The following KCNJ6 variants were observed in gnomAD, a reference collection of about 807,000 sequenced individuals.
KCNJ6 encodes the protein G protein-activated inward rectifier potassium channel 2.
Under a neutral mutation model 34.2 loss-of-function variants are expected in KCNJ6, and 9 were observed. That is an observed-to-expected ratio of 0.26 (90% CI 0.16 to 0.46). The LOEUF (loss-of-function observed/expected upper bound fraction) is 0.46. Ranked by LOEUF, KCNJ6 falls within the 20% of genes least tolerant of loss-of-function variation. The pLI is 1.00. For synonymous variants in KCNJ6, 196 were observed against 207.1 expected (o/e 0.95, Z 0.46); for missense variants, 236 against 531.3 (o/e 0.44, Z 5.46).
intron 2 of KCNJ6, among the ~76,000 whole-genome samples, chr21:37,716,104 C>G (rs2054789226): frequency 6.6e-6 from 1 of 152,158 alleles, no homozygotes; most frequent in South Asian, 2.1e-4. Context: ...AAATTGTTCC[C>G]TTGTCACTTT....
At chr21:37,647,219 C>G (rs2123383271) in intron 3 of KCNJ6, among the ~76,000 whole-genome samples, 1 of 152,184 alleles carries the variant, frequency 6.6e-6, no homozygotes, top group East Asian at 1.9e-4. Flanking sequence ...CTTGAAGGGG[C>G]TGACTTAATT....
At chr21:37,862,532 G>A (rs1471628262) in intron 1 of KCNJ6, among the ~76,000 whole-genome samples, 1 of 152,186 alleles carries the variant, frequency 6.6e-6, no homozygotes. Flanking sequence ...AATATATCAC[G>A]AAAAAGCCTA....
chr21:37,908,197 C>T (rs1225350267), intron 1 of KCNJ6, among the ~76,000 whole-genome samples: 1 of 152,204 alleles, frequency 6.6e-6, no homozygotes, highest in Non-Finnish European at 1.5e-5. Flanking sequence ...TCTGTTTCTT[C>T]TGGTTCTTCC....
At chr21:37,761,529 GGT>G (rs2055063528) in intron 2 of KCNJ6, among the ~76,000 whole-genome samples, 2 of 144,968 alleles carry the variant, frequency 1.4e-5, no homozygotes, top group East Asian at 2.0e-4. Context: ...TTGTGTGTGT[GGT>G]GTGTGTCGTG....
At chr21:37,791,830 C>A (rs1418225572) in intron 2 of KCNJ6, among the ~76,000 whole-genome samples, 1 of 151,978 alleles carries the variant, frequency 6.6e-6, no homozygotes, top group East Asian at 1.9e-4. Flanking sequence ...AGTTTCAGGG[C>A]ACATGTGATA....
chr21:37,655,120 C>A (rs2054451699), intron 3 of KCNJ6, among the ~76,000 whole-genome samples: 1 of 151,572 alleles, frequency 6.6e-6, no homozygotes, highest in Admixed American at 6.6e-5. Context: ...CTGGGTCAAG[C>A]TCTATCCAAG....
intron 2 of KCNJ6, among the ~76,000 whole-genome samples, chr21:37,753,102 TG>T (rs1568834765): frequency 6.6e-6 from 1 of 152,128 alleles, no homozygotes; most frequent in Non-Finnish European, 1.5e-5. Flanking sequence ...GACGGCCGCA[TG>T]GAAAGGTGCT....
intron 2 of KCNJ6, among the ~76,000 whole-genome samples, chr21:37,762,027 TC>T (rs1255262147): frequency 2.0e-5 from 3 of 151,796 alleles, no homozygotes; most frequent in African/African-American, 7.3e-5. Context: ...GGGCCAGGAG[TC>T]TTTTAGCTCC....
At chr21:37,644,282 T>C (rs1360687176) in intron 3 of KCNJ6, among the ~76,000 whole-genome samples, 2 of 152,102 alleles carry the variant, frequency 1.3e-5, no homozygotes, top group Non-Finnish European at 2.9e-5. Flanking sequence ...GTGTTAGGCT[T>C]AATACCTGGC....
chr21:37,657,034 G>A (rs542385617), intron 3 of KCNJ6, among the ~76,000 whole-genome samples: 74 of 152,276 alleles, frequency 4.9e-4, no homozygotes, highest in African/African-American at 1.8e-3. Context: ...TTCTTGGAGA[G>A]GAGGGAGGGG....
intron 3 of KCNJ6, among the ~76,000 whole-genome samples, chr21:37,678,118 G>A (rs1229842267): frequency 1.3e-5 from 2 of 152,106 alleles, no homozygotes; most frequent in Non-Finnish European, 2.9e-5. Flanking sequence ...AACTTGGCGG[G>A]TGGTGGTGTC....
intron 3 of KCNJ6, among the ~76,000 whole-genome samples, chr21:37,634,638 T>C (rs1487601421): frequency 1.3e-5 from 2 of 149,446 alleles, no homozygotes; most frequent in African/African-American, 4.9e-5. Flanking sequence ...CTAATATAGA[T>C]GAATCTTAGA....
intron 2 of KCNJ6, among the ~76,000 whole-genome samples, chr21:37,767,940 G>C (rs2055099362): frequency 6.6e-6 from 1 of 152,136 alleles, no homozygotes; most frequent in African/African-American, 2.4e-5. Flanking sequence ...TGTACTTAGA[G>C]GAAGACACAG....
chr21:37,695,034 G>T lies in KCNJ6; in HGVS notation c.946+19177C>A, dbSNP rs1201181091. ...TAAGCTGCCTAGCCTATGATATTTT[G>T]TTATGGCAGCCTGAGCTGACTAATA... On this transcript the variant is annotated intron_variant, in intron 3 of 3. Coordinates refer to ENST00000609713, the MANE Select transcript of KCNJ6 (RefSeq NM_002240.5). This position sits in a 1 kb window ranked among gnomAD's most constrained non-coding sequence, Gnocchi z 4.2. 6.6e-6 allele frequency among the ~76,000 whole-genome samples: 1 copy of T among 152,204 alleles called. No homozygotes were observed. Among genetic ancestry groups the T allele is most frequent in the South Asian group, 2.1e-4 (1 of 4,830 alleles).
chr21:37,893,730 A>G (rs2055774319), intron 1 of KCNJ6, among the ~76,000 whole-genome samples: 1 of 139,478 alleles, frequency 7.2e-6, no homozygotes, highest in African/African-American at 2.7e-5. Context: ...ATTATATTCT[A>G]CGGAAGCAGC....
At chr21:37,679,175 C>G (rs1354598989) in intron 3 of KCNJ6, among the ~76,000 whole-genome samples, 2 of 152,148 alleles carry the variant, frequency 1.3e-5, no homozygotes, top group Non-Finnish European at 1.5e-5. Flanking sequence ...TCCTCCAGCC[C>G]CAGTCAAGCC....
In KCNJ6 at chr21:37,623,405, G is replaced by A. The variant is rs2054296704; in HGVS notation, c.*1754C>T. On this transcript the variant is annotated 3_prime_UTR_variant, in exon 4 of 4. Coordinates refer to ENST00000609713, the MANE Select transcript of KCNJ6 (RefSeq NM_002240.5). The stretch of plus-strand genomic sequence containing the variant: ...AGCCTCAAACTGAGCACAGCTGTAG[G>A]AGCTGAAAATAAACTTGGATCCATT... The A allele has an allele frequency of 6.6e-6, 1 of 152,194 alleles. No homozygotes were observed. The highest frequency in any genetic ancestry group is 2.4e-5 in the African/African-American group (1 of 41,450). 9.4% of individuals were successfully genotyped at this position (152,194 alleles called of 1,614,324 possible).
intron 3 of KCNJ6, among the ~76,000 whole-genome samples, chr21:37,627,839 A>C (rs1192234095): frequency 6.6e-6 from 1 of 152,146 alleles, no homozygotes; most frequent in Non-Finnish European, 1.5e-5. Flanking sequence ...CTGAATGTTG[A>C]AGGCACGTCC....
At chr21:37,637,355 AG>A (rs1274443622) in intron 3 of KCNJ6, among the ~76,000 whole-genome samples, 1 of 152,222 alleles carries the variant, frequency 6.6e-6, no homozygotes, top group African/African-American at 2.4e-5. Flanking sequence ...AGGGCCAGTG[AG>A]GGTCACCTCC....
Sources: gnomAD v4.1 joint callset for allele counts (sites outside exome capture counted in the v4.1 genomes callset) on GRCh38, gnomAD v4.1.1 for gene constraint, Gnocchi (gnomAD v3.1) non-coding constraint, MANE v1.5 for transcripts, NCBI Gene and HGNC (gene_info 2026-07-23, HGNC 2026-07-21) for gene names.